Variants in PCSK6 observed in about 807,000 individuals in gnomAD.
PCSK6 encodes proprotein convertase subtilisin/kexin type 6.
Under a neutral mutation model 123.3 loss-of-function variants are expected in PCSK6, and 85 were observed. The ratio of observed to expected loss-of-function variants is 0.69; its 90% CI spans 0.58 to 0.83. PCSK6 has a LOEUF of 0.83. Ranked by LOEUF, PCSK6 falls within the 40% of genes least tolerant of loss-of-function variation. The pLI is 0.00. For synonymous variants in PCSK6, 508 were observed against 516.0 expected (o/e 0.98, Z 0.21); for missense variants, 1,191 against 1,282.3 (o/e 0.93, Z 1.09).
Position 101,416,904 on chromosome 15 carries a change from C to T in PCSK6, c.823+10988G>A, listed in dbSNP as rs555215929. Among the ~76,000 whole-genome samples, 3 of 152,294 alleles carry T rather than the reference C, an allele frequency of 2.0e-5. No homozygotes were observed. In the South Asian group the frequency reaches 6.2e-4, roughly 32 times the overall value. ...TGGATGCCCAGGCAGAACTTTGCTG[C>T]AGGGGTGGGGCCCTCATGAAGAACC... is the stretch of plus-strand genomic sequence containing the variant. On this transcript the variant is annotated intron_variant, in intron 6 of 21. Transcript: ENST00000611716.
intron 18 of PCSK6, among the ~76,000 whole-genome samples, chr15:101,319,057 C>T (rs899325789): frequency 2.6e-5 from 4 of 152,238 alleles, no homozygotes; most frequent in Admixed American, 1.3e-4. Flanking sequence ...AGACCACCCA[C>T]GTGGATGGCT....
At chr15:101,395,290 A>G (rs1421509994) in intron 7 of PCSK6, among the ~76,000 whole-genome samples, 1 of 152,214 alleles carries the variant, frequency 6.6e-6, no homozygotes, top group Non-Finnish European at 1.5e-5. Flanking sequence ...AACCTGTTAC[A>G]ATGCAGACTT....
intron 8 of PCSK6, among the ~76,000 whole-genome samples, chr15:101,390,271 G>A (rs948589196): frequency 3.3e-5 from 5 of 152,278 alleles, no homozygotes; most frequent in African/African-American, 9.6e-5. Context: ...TCAGGCTGAC[G>A]TGTATCTCCC....
chr15:101,427,816 A>G, intron 6 of PCSK6, 76 bp downstream of exon 6: 2 of 1,175,302 alleles, frequency 1.7e-6, no homozygotes. Flanking sequence ...GAGGCTGCTG[A>G]GACCAGCGGA....
In PCSK6 at chr15:101,307,313, G is replaced by A. The variant is rs1221243936; in HGVS notation, c.2712C>T (p.Asn904=). The stretch of plus-strand genomic sequence containing the variant: ...TGCTGGAGCCTGCACAGCTCAAGCA[G>A]TTCTCGTCACACCTGTGGGAAGATA... ...PHKVCRRCDE[N]CLSCAGSSRN... The change falls in exon 21 of 22, where the codon AAC becomes AAT. Residue 904 remains asparagine (N), a synonymous_variant. Transcript: ENST00000611716. 8 of 1,612,942 alleles carry A rather than the reference G, an allele frequency of 5.0e-6. No individual in the cohort carries two copies. Among genetic ancestry groups the A allele is most frequent in the Non-Finnish European group, 6.8e-6 (8 of 1,179,390 alleles).
At chr15:101,369,219 T>A (rs1364568281) in intron 12 of PCSK6, among the ~76,000 whole-genome samples, 1 of 152,218 alleles carries the variant, frequency 6.6e-6, no homozygotes, top group East Asian at 1.9e-4. Flanking sequence ...CAGGCCCCAA[T>A]CCTCTGGACA....
intron 11 of PCSK6, 120 bp from the exon 12 acceptor site, chr15:101,370,643 C>G (rs1235216018): frequency 2.2e-6 from 2 of 895,098 alleles, no homozygotes; most frequent in Admixed American, 7.4e-5. Flanking sequence ...CCTGCGGGCC[C>G]CGGGGAGCCG....
intron 11 of PCSK6, among the ~76,000 whole-genome samples, chr15:101,375,722 G>A (rs1236325605): frequency 1.3e-5 from 2 of 152,152 alleles, no homozygotes; most frequent in Admixed American, 6.5e-5. Flanking sequence ...TGTTGGTGCA[G>A]CTCTCATGCC....
At chr15:101,331,238 A>T (rs563378653) in intron 15 of PCSK6, among the ~76,000 whole-genome samples, 2 of 152,344 alleles carry the variant, frequency 1.3e-5, no homozygotes, top group Non-Finnish European at 2.9e-5. Context: ...GATTGGAGAA[A>T]AACGATTCAT....
At chr15:101,393,161 AGAGGGCT>A (rs2042282892) in intron 8 of PCSK6, 44 bp downstream of exon 8, 1 of 1,372,962 alleles carries the variant, frequency 7.3e-7, no homozygotes, top group Admixed American at 1.9e-5. Flanking sequence ...ACTCATTCCC[AGAGGGCT>A]GAGGCACTCA....
At chr15:101,471,687 T>C (rs1385100111) in intron 1 of PCSK6, among the ~76,000 whole-genome samples, 1 of 152,214 alleles carries the variant, frequency 6.6e-6, no homozygotes, top group Non-Finnish European at 1.5e-5. Flanking sequence ...AATTACACAT[T>C]TGTTGAGTTT....
In PCSK6 at chr15:101,466,944, C is replaced by T. The variant is rs139680641; in HGVS notation, c.297+22430G>A. ...ATGGGGTGCGGGGACAGTTGTACAA[C>T]TCTCTGAATGTACCAAAACCCACTG... On this transcript the variant is annotated intron_variant, in intron 1 of 21. Coordinates refer to ENST00000611716, the MANE Select transcript of PCSK6 (RefSeq NM_002570.5). Among the ~76,000 whole-genome samples the T allele has an allele frequency of 7.8e-3, 1,190 of 152,198 alleles. 18 individuals are homozygous for T. The highest frequency in any genetic ancestry group is 0.026 in the African/African-American group (1,064 of 41,500).
Position 101,324,927 on chromosome 15 carries a change from CA to C in PCSK6, c.2299del (p.Cys767AlafsTer11), listed in dbSNP as rs1433400606. The C allele has an allele frequency of 6.2e-7, 1 of 1,613,524 alleles. No individual in the cohort carries two copies. The highest frequency in any genetic ancestry group is 1.1e-5 in the South Asian group (1 of 91,082). ...CTGGTGGTGATAGAACCCGCGGCGG[CA>C]AGACAGGCACTGCGTCGCAGCTCTG... ...SSRAATQCLS[C>X]RRGFYHHQEM... On this transcript the variant is annotated frameshift_variant, in exon 17 of 22. Transcript: ENST00000611716. LOFTEE classifies it high-confidence loss of function.
At chr15:101,467,238 T>A (rs11858490) in intron 1 of PCSK6, among the ~76,000 whole-genome samples, 6 of 151,346 alleles carry the variant, frequency 4.0e-5, no homozygotes, top group South Asian at 2.1e-4. Flanking sequence ...ATTTGTGTAC[T>A]AGCGGTCTTG....
intron 13 of PCSK6, among the ~76,000 whole-genome samples, chr15:101,364,046 G>C (rs774657165): frequency 1.3e-5 from 2 of 152,130 alleles, no homozygotes; most frequent in Non-Finnish European, 2.9e-5. Context: ...AATTTTCCAC[G>C]TAAGGCAAGT....
intron 17 of PCSK6, among the ~76,000 whole-genome samples, chr15:101,323,473 G>A (rs748449792): frequency 6.6e-6 from 1 of 152,224 alleles, no homozygotes; most frequent in Non-Finnish European, 1.5e-5. Flanking sequence ...GCTCACACCT[G>A]TAATCCCAGC....
intron 1 of PCSK6, among the ~76,000 whole-genome samples, chr15:101,459,474 C>T (rs565114913): frequency 1.4e-5 from 2 of 145,904 alleles, no homozygotes; most frequent in African/African-American, 2.6e-5. Context: ...CCCGTCCCCC[C>T]ACCCTAAGTC....
chr15:101,408,306 C>T (rs928939017), intron 6 of PCSK6, among the ~76,000 whole-genome samples: 7 of 152,234 alleles, frequency 4.6e-5, no homozygotes, highest in Admixed American at 2.0e-4. Context: ...TAAGACTCAG[C>T]GTGCTCTCTT....
intron 1 of PCSK6, among the ~76,000 whole-genome samples, chr15:101,472,577 A>G (rs1308183341): frequency 1.3e-5 from 2 of 152,224 alleles, no homozygotes; most frequent in Non-Finnish European, 2.9e-5. Context: ...GGATCTCTCA[A>G]TGGTGGCGCC....
Sources: gnomAD v4.1 joint callset for allele counts (sites outside exome capture counted in the v4.1 genomes callset) on GRCh38, gnomAD v4.1.1 for gene constraint, MANE v1.5 for transcripts, NCBI Gene and HGNC (gene_info 2026-07-23, HGNC 2026-07-21) for gene names.